LAMC1: variants seen among roughly 807,000 people sequenced by gnomAD.
The protein encoded by LAMC1 is laminin subunit gamma 1.
A neutral mutation model predicts 173.6 loss-of-function variants in LAMC1; 38 were observed. The observed-to-expected ratio is 0.22, with a 90% confidence interval of 0.17 to 0.29. The LOEUF (loss-of-function observed/expected upper bound fraction) is 0.29. Ranked by LOEUF, LAMC1 falls within the 10% of genes least tolerant of loss-of-function variation. The pLI is 1.00. For synonymous variants in LAMC1, 746 were observed against 749.1 expected (o/e 1.00, Z 0.07); for missense variants, 1,824 against 2,051.8 (o/e 0.89, Z 2.14).
chr1:183,131,506 T>G (rs752083751), intron 20 of LAMC1, 128 bp downstream of exon 20: 182 of 612,966 alleles, frequency 3.0e-4, no homozygotes, highest in Non-Finnish European at 4.5e-4. Flanking sequence ...ATAACCCACT[T>G]TTGCACACTT....
At chr1:183,052,009 T>TA (rs1417243106) in intron 1 of LAMC1, among the ~76,000 whole-genome samples, 5 of 152,188 alleles carry the variant, frequency 3.3e-5, no homozygotes, top group Non-Finnish European at 2.9e-5. Context: ...ATTTCTCTGA[T>TA]AAAAAATCAT....
intron 20 of LAMC1, among the ~76,000 whole-genome samples, chr1:183,131,728 A>G (rs10752903): frequency 0.52 from 78,691 of 151,944 alleles, 21,074 homozygotes; most frequent in South Asian, 0.65. Context: ...AAGATTAGGC[A>G]TGGGATTTGT....
In LAMC1 at chr1:183,121,623, T is replaced by C; in HGVS notation, c.1991-100T>C. The C allele has an allele frequency of 4.1e-6, 4 of 976,120 alleles. No individual in the cohort carries two copies. The South Asian group carries it at 5.1e-5, about 13-fold the overall frequency. The allele number at this position is 976,120 out of a possible 1,614,324, so 60.5% of individuals were successfully genotyped here. A position where few individuals can be genotyped will look rare whatever the true frequency, so the allele number is the denominator to read the frequency against. The stretch of plus-strand genomic sequence containing the variant: ...CCAGTTAAGCAAATGGCTAATTTTC[T>C]CTGGAATTTGGGGTCTAGTTACTTT... On this transcript the variant is annotated intron_variant, in intron 11 of 27. Transcript: ENST00000258341.
chr1:183,142,518 C>CT lies in LAMC1; in HGVS notation c.4574-13dup. On this transcript the variant is annotated splice_polypyrimidine_tract_variant and intron_variant, in intron 27 of 27. Coordinates refer to ENST00000258341, the MANE Select transcript of LAMC1 (RefSeq NM_002293.4). ...GAATATGTCTGTTCTCTTCTATGTA[C>CT]TTTCTGACCCTCCAGGGCAGCTGGA... 1 of 1,596,356 alleles carries CT rather than the reference C, an allele frequency of 6.3e-7. No individual in the cohort carries two copies. The highest frequency in any genetic ancestry group is 8.5e-7 in the Non-Finnish European group (1 of 1,172,488).
At position 183,128,701 on chromosome 1, in the gene LAMC1, A is replaced by G; in HGVS notation, c.3231A>G (p.Glu1077=). ...AAGCCTTCGAGGATAGACTAAAGGAAGCAGAGAGGGAAGTTATGGACCTCC... is the reference window on the plus strand; with the variant it reads ...AAGCCTTCGAGGATAGACTAAAGGAGGCAGAGAGGGAAGTTATGGACCTCC... ...TDQAFEDRLK[E]AEREVMDLLR... Residue 1077 remains glutamate (E), a synonymous_variant, in exon 18 of 28, where the codon GAA becomes GAG. Coordinates refer to ENST00000258341, the MANE Select transcript of LAMC1 (RefSeq NM_002293.4). 4 of 1,613,596 alleles carry G rather than the reference A, an allele frequency of 2.5e-6. No individual in the cohort carries two copies. The highest frequency in any genetic ancestry group is 3.4e-6 in the Non-Finnish European group (4 of 1,179,628).
At chr1:183,134,447 A>G (rs1379682423) in intron 22 of LAMC1, among the ~76,000 whole-genome samples, 2 of 152,196 alleles carry the variant, frequency 1.3e-5, no homozygotes, top group African/African-American at 2.4e-5. Context: ...GCAGAAATGC[A>G]TTTGTCAAAA....
intron 16 of LAMC1, among the ~76,000 whole-genome samples, 174 bp from the exon 17 acceptor site, chr1:183,127,052 A>C (rs1358817374): frequency 6.6e-6 from 1 of 152,222 alleles, no homozygotes; most frequent in Non-Finnish European, 1.5e-5. Flanking sequence ...TAAAAATGTC[A>C]GTTTTCTCTG....
Position 183,122,215 on chromosome 1 carries a change from G to A in LAMC1, c.2365G>A (p.Glu789Lys), listed in dbSNP as rs2102091524. 6.2e-7 allele frequency: 1 copy of A among 1,614,184 alleles called. No homozygotes were observed. Among genetic ancestry groups the A allele is most frequent in the East Asian group, 2.2e-5 (1 of 44,880 alleles). The change falls in exon 13 of 28, where the codon GAG (glutamate) becomes AAG (lysine). Residue 789 changes from glutamate to lysine, a missense_variant. By Grantham distance (56) the Glu-to-Lys change is moderately conservative. Coordinates refer to ENST00000258341, the MANE Select transcript of LAMC1 (RefSeq NM_002293.4). ...SSCAVVPKTK[E>K]VVCTNCPTGT... ...TTGTGCTGTTGTTCCCAAGACAAAG[G>A]AGGTGGTGTGCACCAACTGTCCTAC...
chr1:183,088,363 A>G (rs1029119396), intron 1 of LAMC1, among the ~76,000 whole-genome samples: 4 of 152,164 alleles, frequency 2.6e-5, no homozygotes, highest in African/African-American at 9.7e-5. Flanking sequence ...GTGTTTTTCA[A>G]ATTGTGGGTC....
At chr1:183,048,953 G>A (rs1435709048) in intron 1 of LAMC1, among the ~76,000 whole-genome samples, 3 of 152,078 alleles carry the variant, frequency 2.0e-5, no homozygotes, top group African/African-American at 7.2e-5. Flanking sequence ...TAACATTGTG[G>A]TATATATATT....
chr1:183,144,575 C>T lies in LAMC1; in HGVS notation c.*1785C>T, dbSNP rs1259102689. On this transcript the variant is annotated 3_prime_UTR_variant, in exon 28 of 28. Coordinates refer to ENST00000258341, the MANE Select transcript of LAMC1 (RefSeq NM_002293.4). Reference sequence around the variant, plus strand: ...AACTTGGGTCCTCTTCCATTGCAGTCCTGATGATCCTAACCTGCAGCACGG... The same window carrying T: ...AACTTGGGTCCTCTTCCATTGCAGTTCTGATGATCCTAACCTGCAGCACGG... 6.6e-6 allele frequency: 1 copy of T among 152,156 alleles called. No individual in the cohort carries two copies. The highest frequency in any genetic ancestry group is 1.5e-5 in the Non-Finnish European group (1 of 68,052). 9.4% of individuals were successfully genotyped at this position (152,156 alleles called of 1,614,324 possible). A position where few individuals can be genotyped will look rare whatever the true frequency, so the allele number is the denominator to read the frequency against.
At chr1:183,053,406 G>A (rs1442689495) in intron 1 of LAMC1, among the ~76,000 whole-genome samples, 1 of 120,452 alleles carries the variant, frequency 8.3e-6, no homozygotes, top group African/African-American at 2.7e-5. Context: ...ATCTGGATCT[G>A]TTTTTTGTGT....
chr1:183,118,142 G>A lies in LAMC1; in HGVS notation c.1986G>A (p.Glu662=), dbSNP rs749048191. Residue 662 remains glutamate (E), a synonymous_variant, in exon 11 of 28, where the codon GAG becomes GAA. Coordinates refer to ENST00000258341, the MANE Select transcript of LAMC1 (RefSeq NM_002293.4). The part of the protein sequence containing the change: ...TSIKIRGTYS[E]RSAGYLDDVT... ...TCAAGATACGTGGGACATACAGTGAGAGAAGTAAGTTATGATATAATTTAG... is the reference window on the plus strand; with the variant it reads ...TCAAGATACGTGGGACATACAGTGAAAGAAGTAAGTTATGATATAATTTAG... 14 of 1,529,144 alleles carry A rather than the reference G, an allele frequency of 9.2e-6. No individual in the cohort carries two copies. The Admixed American group carries it at 2.4e-4, about 26-fold the overall frequency. 94.7% of individuals were successfully genotyped at this position (1,529,144 alleles called of 1,614,324 possible). A position where few individuals can be genotyped will look rare whatever the true frequency, so the allele number is the denominator to read the frequency against.
chr1:183,136,652 C>T lies in LAMC1; in HGVS notation c.4314+67C>T, dbSNP rs1656951818. 3 of 1,368,954 alleles carry T rather than the reference C, an allele frequency of 2.2e-6. No homozygotes were observed. In the Admixed American group the frequency reaches 6.7e-5, roughly 31 times the overall value. 84.8% of individuals were successfully genotyped at this position (1,368,954 alleles called of 1,614,324 possible). On this transcript the variant is annotated intron_variant, in intron 25 of 27. Coordinates refer to ENST00000258341, the MANE Select transcript of LAMC1 (RefSeq NM_002293.4). ...TCTCTGGTCACTTTCCAGTTTCTTTCCAGACCCTCAGAGCCCTTGCAGATT... is the reference window on the plus strand; with the variant it reads ...TCTCTGGTCACTTTCCAGTTTCTTTTCAGACCCTCAGAGCCCTTGCAGATT...
At position 183,118,187 on chromosome 1, in the gene LAMC1, G is replaced by A. The variant is rs747538728; in HGVS notation, c.1990+41G>A. The A allele has an allele frequency of 2.5e-6, 3 of 1,178,652 alleles. No homozygotes were observed. In the South Asian group the frequency reaches 3.8e-5, roughly 15 times the overall value. 73.0% of individuals were successfully genotyped at this position (1,178,652 alleles called of 1,614,324 possible). On this transcript the variant is annotated intron_variant, in intron 11 of 27. Transcript: ENST00000258341. ...ATTTAGGAGAGTTGTTTAAAAAGAT[G>A]ATTGGTTAGAAAGATTCATGATAAT...
intron 1 of LAMC1, among the ~76,000 whole-genome samples, chr1:183,056,398 T>C (rs1654597012): frequency 6.6e-6 from 1 of 152,220 alleles, no homozygotes; most frequent in African/African-American, 2.4e-5. Context: ...CTCCTCTTGC[T>C]CCCAGTTTCT....
At chr1:183,031,281 T>C (rs1206034603) in intron 1 of LAMC1, among the ~76,000 whole-genome samples, 1 of 152,158 alleles carries the variant, frequency 6.6e-6, no homozygotes, top group African/African-American at 2.4e-5. Context: ...CTAAAGTTAA[T>C]AGGCAGCAGC....
chr1:183,073,767 T>C (rs1453336795), intron 1 of LAMC1, among the ~76,000 whole-genome samples: 1 of 152,076 alleles, frequency 6.6e-6, no homozygotes. Flanking sequence ...CATTAAAAAA[T>C]AGGGCTATAA....
intron 1 of LAMC1, among the ~76,000 whole-genome samples, chr1:183,039,047 G>A (rs992049140): frequency 8.6e-5 from 13 of 152,040 alleles, no homozygotes; most frequent in African/African-American, 2.2e-4. Flanking sequence ...CTGTAGACTC[G>A]TGCATCTGTG....
Sources: allele counts gnomAD v4.1 joint callset (sites outside exome capture counted in the v4.1 genomes callset), GRCh38; gene constraint gnomAD v4.1.1; transcripts MANE v1.5; gene names NCBI Gene and HGNC (gene_info 2026-07-23, HGNC 2026-07-21).